HIBADH: variants seen among roughly 807,000 people sequenced by gnomAD.
HIBADH encodes the protein 3-hydroxyisobutyrate dehydrogenase, mitochondrial.
In HIBADH, 25 loss-of-function variants were observed where a neutral mutation model predicts 36.1. The ratio of observed to expected loss-of-function variants is 0.69; its 90% CI spans 0.50 to 0.97. The LOEUF (loss-of-function observed/expected upper bound fraction) is 0.97. HIBADH is among the 50% of genes least tolerant of loss of function. HIBADH has a pLI of 0.00. For synonymous variants in HIBADH, 160 were observed against 149.5 expected (o/e 1.07, Z -0.51); for missense variants, 421 against 418.0 (o/e 1.01, Z -0.06).
intron 7 of HIBADH, among the ~76,000 whole-genome samples, chr7:27,527,917 C>CTTTTTTTTT (rs1562609863): frequency 0.023 from 1,759 of 76,934 alleles, 567 homozygotes; most frequent in East Asian, 0.066. Flanking sequence ...CCACACCCAG[C>CTTTTTTTTT]GTTTTTTTTT....
At chr7:27,541,967 C>T (rs1184085464) in intron 5 of HIBADH, among the ~76,000 whole-genome samples, 1 of 152,034 alleles carries the variant, frequency 6.6e-6, no homozygotes, top group Non-Finnish European at 1.5e-5. Flanking sequence ...TAATTTTATG[C>T]CATTATGATT....
At chr7:27,644,794 G>C (rs189001825) in intron 2 of HIBADH, among the ~76,000 whole-genome samples, 2 of 150,960 alleles carry the variant, frequency 1.3e-5, no homozygotes, top group Non-Finnish European at 3.0e-5. Flanking sequence ...AATCTTATAC[G>C]CATTAGCTAT....
chr7:27,534,033 CAG>C (rs974345607), intron 6 of HIBADH, among the ~76,000 whole-genome samples: 6 of 152,152 alleles, frequency 3.9e-5, no homozygotes, highest in African/African-American at 1.4e-4. Flanking sequence ...CTGATATAAA[CAG>C]AATGAATTCA....
At chr7:27,617,882 G>A (rs1036651362) in intron 4 of HIBADH, among the ~76,000 whole-genome samples, 15 of 152,186 alleles carry the variant, frequency 9.9e-5, no homozygotes, top group African/African-American at 3.4e-4. Flanking sequence ...CTGAATGGCT[G>A]TGGTGGCACA....
chr7:27,614,490 T>C (rs1010227404), intron 4 of HIBADH, among the ~76,000 whole-genome samples: 6 of 152,216 alleles, frequency 3.9e-5, no homozygotes, highest in Admixed American at 3.3e-4. Context: ...CAACCAACCA[T>C]ACTTTATTGT....
At chr7:27,623,048 A>T (rs887478839) in intron 4 of HIBADH, among the ~76,000 whole-genome samples, 1 of 152,236 alleles carries the variant, frequency 6.6e-6, no homozygotes, top group African/African-American at 2.4e-5. Flanking sequence ...GTAGCATATC[A>T]AAAAGATAAT....
At chr7:27,560,187 T>A (rs1284124732) in intron 4 of HIBADH, among the ~76,000 whole-genome samples, 2 of 152,220 alleles carry the variant, frequency 1.3e-5, no homozygotes, top group Non-Finnish European at 2.9e-5. Context: ...AGTGGTGAGA[T>A]CTCAGCTCAC....
intron 4 of HIBADH, among the ~76,000 whole-genome samples, chr7:27,559,408 G>A (rs2128186589): frequency 6.6e-6 from 1 of 152,200 alleles, no homozygotes; most frequent in East Asian, 1.9e-4. Flanking sequence ...GATTGCTTGA[G>A]GCCAGGAGTT....
chr7:27,653,959 G>A (rs1786248120), intron 1 of HIBADH, among the ~76,000 whole-genome samples: 1 of 152,090 alleles, frequency 6.6e-6, no homozygotes, highest in Admixed American at 6.5e-5. Context: ...ACCCTAAGCT[G>A]AAACAGATGT....
intron 1 of HIBADH, among the ~76,000 whole-genome samples, chr7:27,661,674 A>C (rs2128298571): frequency 6.6e-6 from 1 of 151,908 alleles, no homozygotes; most frequent in East Asian, 1.9e-4. Flanking sequence ...GATTAGAAAA[A>C]ATTAATGCCA....
chr7:27,598,100 G>A (rs564597716), intron 4 of HIBADH, among the ~76,000 whole-genome samples: 32 of 152,268 alleles, frequency 2.1e-4, no homozygotes, highest in Middle Eastern at 3.4e-3. Context: ...CCATCCAGTA[G>A]GTAAGTGGTG....
chr7:27,579,172 T>C (rs189672036), intron 4 of HIBADH, among the ~76,000 whole-genome samples: 1 of 152,306 alleles, frequency 6.6e-6, no homozygotes, highest in African/African-American at 2.4e-5. Context: ...ATGGGTTATA[T>C]ATTAGATGGC....
At chr7:27,531,140 T>G (rs117260492) in intron 7 of HIBADH, 52 bp downstream of exon 7, 2 of 1,518,884 alleles carry the variant, frequency 1.3e-6, no homozygotes, top group African/African-American at 2.8e-5. Flanking sequence ...GAAGGTGTTA[T>G]TGGACCGTGA....
At chr7:27,603,242 A>G (rs1785162662) in intron 4 of HIBADH, among the ~76,000 whole-genome samples, 1 of 152,178 alleles carries the variant, frequency 6.6e-6, no homozygotes, top group African/African-American at 2.4e-5. Flanking sequence ...ACCAGAATCC[A>G]TAGTGTTAAA....
chr7:27,556,762 T>A (rs1784394055), intron 4 of HIBADH, among the ~76,000 whole-genome samples: 1 of 152,232 alleles, frequency 6.6e-6, no homozygotes, highest in Non-Finnish European at 1.5e-5. Context: ...CTGTCTGTTC[T>A]TGAACAAATA....
chr7:27,555,503 C>G lies in HIBADH; in HGVS notation c.485-12403G>C, dbSNP rs138175271. ...AGTCAAAATTTCAACTATCTATCAG[C>G]TAATTCTTACTACTGGCCCTCAGAA... is the stretch of plus-strand genomic sequence containing the variant. On this transcript the variant is annotated intron_variant, in intron 4 of 7. Coordinates refer to ENST00000265395, the MANE Select transcript of HIBADH (RefSeq NM_152740.4). 7.3e-3 allele frequency among the ~76,000 whole-genome samples: 1,110 copies of G among 152,030 alleles called. 9 individuals carry two copies. Among genetic ancestry groups the G allele is most frequent in the Non-Finnish European group, 0.011 (748 of 67,980 alleles).
intron 1 of HIBADH, among the ~76,000 whole-genome samples, chr7:27,656,109 C>T (rs945663534): frequency 1.9e-4 from 29 of 152,056 alleles, no homozygotes; most frequent in African/African-American, 6.8e-4. Context: ...CTTTGTGAGC[C>T]ATTGTGAAAT....
At chr7:27,574,503 ACTCT>A (rs749250472) in intron 4 of HIBADH, among the ~76,000 whole-genome samples, 16,959 of 151,690 alleles carry the variant, frequency 0.11, 1,077 homozygotes, top group Middle Eastern at 0.14. Flanking sequence ...CAAACAGGTA[ACTCT>A]TTACCTTTTT....
chr7:27,559,233 G>A (rs1413811593), intron 4 of HIBADH, among the ~76,000 whole-genome samples: 2 of 152,088 alleles, frequency 1.3e-5, no homozygotes, highest in Admixed American at 6.5e-5. Context: ...TGTGAGGACC[G>A]TATCTCCAAG....
Sources: gnomAD v4.1 joint callset for allele counts (sites outside exome capture counted in the v4.1 genomes callset) on GRCh38, gnomAD v4.1.1 for gene constraint, MANE v1.5 for transcripts, NCBI Gene and HGNC (gene_info 2026-07-23, HGNC 2026-07-21) for gene names.